The following CTNND1 variants were observed in gnomAD, a reference collection of about 807,000 sequenced individuals.
CTNND1 encodes catenin delta 1.
Under a neutral mutation model 112.1 loss-of-function variants are expected in CTNND1, and 16 were observed. The observed-to-expected ratio is 0.14, with a 90% CI of 0.10 to 0.22. CTNND1 has a LOEUF of 0.22. Among genes scored for constraint, CTNND1 ranks in the 10% least tolerant of loss-of-function variants. CTNND1 has a pLI of 1.00. For missense variants in CTNND1, 1,008 were observed against 1,257.0 expected, an observed-to-expected ratio of 0.80 and a Z score of 3.00; for synonymous variants, 420 against 446.5, an observed-to-expected ratio of 0.94 and a Z score of 0.75.
chr11:57,794,160 T>C (rs1349294106), intron 4 of CTNND1, 79 bp downstream of exon 4: 6 of 1,282,454 alleles, frequency 4.7e-6, no homozygotes, highest in Non-Finnish European at 6.8e-6. Flanking sequence ...TATTTGTGTC[T>C]TGTAAGGTGC....
chr11:57,811,362 T>C, intron 16 of CTNND1, 37 bp from the exon 17 acceptor site: 2 of 1,518,758 alleles, frequency 1.3e-6, no homozygotes, highest in Non-Finnish European at 1.8e-6. Context: ...GTGAATTCAG[T>C]ATTCTGTCAC....
At chr11:57,806,561 C>A in intron 11 of CTNND1, 83 bp downstream of exon 11, 1 of 1,259,810 alleles carries the variant, frequency 7.9e-7, no homozygotes, top group East Asian at 2.5e-5. Flanking sequence ...CTTGCCTAAC[C>A]TTTCCCTGTC....
chr11:57,774,051 G>T (rs1300401190), intron 1 of CTNND1, among the ~76,000 whole-genome samples: 1 of 152,144 alleles, frequency 6.6e-6, no homozygotes, highest in African/African-American at 2.4e-5. Flanking sequence ...TGAGTCTTCG[G>T]TGACACATGT....
chr11:57,772,008 G>A (rs943346849), intron 1 of CTNND1, among the ~76,000 whole-genome samples: 2 of 150,056 alleles, frequency 1.3e-5, no homozygotes. Context: ...TGCAGCCTCC[G>A]CCTCCCACGC....
rs371911193 is a variant in CTNND1, at chr11:57,772,816, C to T, written c.-214+10697C>T. ...TCGTTCTCTCTCTCTCTCTCTGTCT[C>T]GCTCTGTCTCCTCTCTCTCTCTCCC... is the stretch of plus-strand genomic sequence containing the variant. On this transcript the variant is annotated intron_variant, in intron 1 of 20. Transcript: ENST00000399050. Among the ~76,000 whole-genome samples the T allele has an allele frequency of 6.3e-4, 96 of 152,118 alleles. 1 individual carries two copies. Among genetic ancestry groups the T allele is most frequent in the African/African-American group, 1.8e-3 (76 of 41,506 alleles).
At chr11:57,779,582 A>G (rs898960362) in intron 1 of CTNND1, among the ~76,000 whole-genome samples, 2 of 152,076 alleles carry the variant, frequency 1.3e-5, no homozygotes, top group Non-Finnish European at 2.9e-5. Context: ...CACTAGAACA[A>G]TCCTTCTTCT....
At chr11:57,767,070 C>G (rs11229116) in intron 1 of CTNND1, among the ~76,000 whole-genome samples, 37,914 of 151,660 alleles carry the variant, frequency 0.25, 5,540 homozygotes, top group Non-Finnish European at 0.33. Flanking sequence ...CTCCCGGTTT[C>G]AAGCGATTCT....
At position 57,796,632 on chromosome 11, in the gene CTNND1, C is replaced by G. The variant is rs1285517738; in HGVS notation, c.596C>G (p.Thr199Ser). The G allele has an allele frequency of 6.2e-7, 1 of 1,613,944 alleles. No homozygotes were observed. The highest frequency in any genetic ancestry group is 2.2e-5 in the East Asian group (1 of 44,898). The change falls in exon 6 of 21, where the codon ACT (threonine) becomes AGT (serine). Residue 199 changes from threonine (T) to serine (S), a missense_variant. Physicochemically the swap from Thr to Ser is moderately conservative, Grantham distance 58. Coordinates refer to ENST00000399050, the MANE Select transcript of CTNND1 (RefSeq NM_001085458.2). ...GGTCCCTATGTGGGGCAAGCTGGCA[C>G]TGCTACCCTTCCTAGGAACTTCCAC... is the stretch of plus-strand genomic sequence containing the variant. Reference protein sequence around the residue: ...GPGPYVGQAGTATLPRNFHYP... With the variant: ...GPGPYVGQAGSATLPRNFHYP...
intron 9 of CTNND1, among the ~76,000 whole-genome samples, chr11:57,804,989 C>T (rs2062467131): frequency 1.3e-5 from 2 of 152,208 alleles, no homozygotes; most frequent in African/African-American, 4.8e-5. Context: ...ACTTCTGCTT[C>T]CTGGGTTCAA....
At position 57,796,774 on chromosome 11, in the gene CTNND1, A is replaced by G. The variant is rs11570195; in HGVS notation, c.738A>G (p.Glu246=). 3.9e-3 allele frequency: 6,334 copies of G among 1,610,250 alleles called. 92 individuals carry two copies. In the Middle Eastern group the frequency reaches 0.048, roughly 12 times the overall value. The change falls in exon 6 of 21, where the codon GAA becomes GAG. Residue 246 remains glutamate (E), a synonymous_variant. Coordinates refer to ENST00000399050, the MANE Select transcript of CTNND1 (RefSeq NM_001085458.2). ...RIEERYRPSM[E]GYRAPSRQDV... is the part of the protein sequence containing the mutation. ...AGGAGCGGTATAGGCCCAGCATGGA[A>G]GGCTACCGGGCACCTAGTAGACAGG...
chr11:57,806,968 A>G lies in CTNND1; in HGVS notation c.1948A>G (p.Thr650Ala). 1 of 1,599,966 alleles carries G rather than the reference A, an allele frequency of 6.3e-7. No individual in the cohort carries two copies. The highest frequency in any genetic ancestry group is 8.5e-7 in the Non-Finnish European group (1 of 1,172,840). ...ANDTVDFPKR[T>A]SPARGYELLF... ...CGATACAGTGGATTTCCCTAAAAGA[A>G]CGAGTCCAGCTCGAGGTAAGTTATC... Residue 650 changes from threonine (T) to alanine (A), a missense_variant, in exon 12 of 21, where the codon ACG becomes GCG. Coordinates refer to ENST00000399050, the MANE Select transcript of CTNND1 (RefSeq NM_001085458.2).
At chr11:57,802,319 A>G (rs1425399815) in intron 7 of CTNND1, 123 bp downstream of exon 7, 3 of 819,368 alleles carry the variant, frequency 3.7e-6, no homozygotes, top group African/African-American at 1.7e-5. Context: ...CTGTGGGTCA[A>G]ATCCATCTCA....
chr11:57,811,865 T>C (rs1480939731), intron 17 of CTNND1, among the ~76,000 whole-genome samples: 3 of 152,248 alleles, frequency 2.0e-5, no homozygotes, highest in Non-Finnish European at 4.4e-5. Flanking sequence ...TTGTTTCTTT[T>C]ATCCAGAGAA....
chr11:57,815,062 G>C (rs2063800254), intron 18 of CTNND1, among the ~76,000 whole-genome samples: 1 of 152,002 alleles, frequency 6.6e-6, no homozygotes, highest in Non-Finnish European at 1.5e-5. Flanking sequence ...CGAGTAGCTG[G>C]GACTACAAGT....
At chr11:57,809,053 A>G (rs2063036985) in intron 14 of CTNND1, among the ~76,000 whole-genome samples, 2 of 152,214 alleles carry the variant, frequency 1.3e-5, no homozygotes, top group African/African-American at 4.8e-5. Context: ...TTACACTTTC[A>G]ATGTGGTTGA....
At position 57,767,836 on chromosome 11, in the gene CTNND1, CT is replaced by C. The variant is rs796841505; in HGVS notation, c.-214+5732del. The stretch of plus-strand genomic sequence containing the variant: ...TTGTTGAACTAATGCCCTTGAAGGT[CT>C]TTTTTTTTTTTTTTGAGACGGAGTC... On this transcript the variant is annotated intron_variant, in intron 1 of 20. Coordinates refer to ENST00000399050, the MANE Select transcript of CTNND1 (RefSeq NM_001085458.2). Among the ~76,000 whole-genome samples the C allele has an allele frequency of 7.4e-3, 1,042 of 140,734 alleles. 9 individuals are homozygous for C. The highest frequency in any genetic ancestry group is 0.02 in the African/African-American group (784 of 38,284). 92.3% of individuals were successfully genotyped at this position (140,734 alleles called of 152,430 possible). A position where few individuals can be genotyped will look rare whatever the true frequency, so the allele number is the denominator to read the frequency against.
rs1196338347 is a variant in CTNND1 at position 57,816,823 on chromosome 11, C to G, written c.*515C>G. The G allele has an allele frequency of 6.5e-6, 1 of 154,906 alleles. No homozygotes were observed. Among genetic ancestry groups the G allele is most frequent in the Non-Finnish European group, 1.4e-5 (1 of 69,578 alleles). 9.6% of individuals were successfully genotyped at this position (154,906 alleles called of 1,614,324 possible). A position where few individuals can be genotyped will look rare whatever the true frequency, so the allele number is the denominator to read the frequency against. ...TGAGCTCTTCCCTTATTCCTAATGG[C>G]TATTTTTGAAGCAAAGAAGGCCAGC... On this transcript the variant is annotated 3_prime_UTR_variant, in exon 21 of 21. Transcript: ENST00000399050.
intron 1 of CTNND1, among the ~76,000 whole-genome samples, chr11:57,769,364 T>C (rs1003730396): frequency 4.0e-5 from 6 of 150,814 alleles, no homozygotes; most frequent in Non-Finnish European, 8.8e-5. Flanking sequence ...TATGTTGCCC[T>C]GTCTCCAACT....
In CTNND1 at chr11:57,818,040, C is replaced by T. The variant is rs1311117797; in HGVS notation, c.*1732C>T. ...AAAATTTCTTATTTACCCTTTTCCC[C>T]CTTCCCATTTCTTCCCACTTTCATC... is the stretch of plus-strand genomic sequence containing the variant. On this transcript the variant is annotated 3_prime_UTR_variant, in exon 21 of 21. Transcript: ENST00000399050. The T allele has an allele frequency of 6.6e-6, 1 of 152,464 alleles. No individual in the cohort carries two copies. Among genetic ancestry groups the T allele is most frequent in the Non-Finnish European group, 1.5e-5 (1 of 68,036 alleles). The allele number at this position is 152,464 out of a possible 1,614,324, so 9.4% of individuals were successfully genotyped here.
Sources: gnomAD v4.1 joint callset for allele counts (sites outside exome capture counted in the v4.1 genomes callset) on GRCh38, gnomAD v4.1.1 for gene constraint, MANE v1.5 for transcripts, NCBI Gene and HGNC (gene_info 2026-07-23, HGNC 2026-07-21) for gene names.